The following HSPG2 variants were observed in gnomAD, a reference collection of about 807,000 sequenced individuals.
HSPG2 encodes heparan sulfate proteoglycan 2.
A neutral mutation model predicts 526.6 loss-of-function variants in HSPG2; 278 were observed. The ratio of observed to expected loss-of-function variants is 0.53; its 90% CI spans 0.48 to 0.58. The LOEUF (loss-of-function observed/expected upper bound fraction) is 0.58. HSPG2 is among the 20% of genes least tolerant of loss of function. The pLI, the probability that HSPG2 is intolerant of heterozygous loss-of-function variation, is 0.00. For missense variants in HSPG2, 5,354 were observed against 6,099.5 expected, an observed-to-expected ratio of 0.88 and a Z score of 4.07; for synonymous variants, 2,465 against 2,555.4, an observed-to-expected ratio of 0.96 and a Z score of 1.07.
At chr1:21,915,350 A>C (rs1446274206) in intron 1 of HSPG2, among the ~76,000 whole-genome samples, 1 of 152,238 alleles carries the variant, frequency 6.6e-6, no homozygotes, top group Non-Finnish European at 1.5e-5. Context: ...GAGCCCGGAC[A>C]TGGAGATTCC....
rs765602624 is a variant in HSPG2 at position 21,828,975 on chromosome 1, G to A, written c.12097C>T (p.Arg4033Cys). 2.0e-5 allele frequency: 32 copies of A among 1,576,068 alleles called. No individual in the cohort carries two copies. Among genetic ancestry groups the A allele is most frequent in the Admixed American group, 5.5e-5 (3 of 54,932 alleles). ...KDGSLRVNGG[R>C]PVLRSSPGKS... is the part of the protein sequence containing the mutation. ...CCGGGCGAGGAGCGCAGCACAGGGC[G>A]TCCACCATTCACCCGCAGGCTGCCG... Residue 4033 changes from arginine (R) to cysteine (C), a missense_variant, in exon 88 of 97, where the codon CGC becomes TGC. Transcript: ENST00000374695. This position sits in a 1 kb window ranked among gnomAD's most constrained non-coding sequence, Gnocchi z 6.0.
intron 57 of HSPG2, among the ~76,000 whole-genome samples, chr1:21,849,511 A>G (rs1638717997): frequency 6.6e-6 from 1 of 152,204 alleles, no homozygotes; most frequent in African/African-American, 2.4e-5. Context: ...TCCAAAATCA[A>G]GATGCATCTA....
chr1:21,841,159 G>A lies in HSPG2; in HGVS notation c.9455C>T (p.Thr3152Ile), dbSNP rs2098046807. 1 of 1,613,754 alleles carries A rather than the reference G, an allele frequency of 6.2e-7. No individual in the cohort carries two copies. Among genetic ancestry groups the A allele is most frequent in the South Asian group, 1.1e-5 (1 of 91,086 alleles). Residue 3152 changes from threonine (T) to isoleucine (I), a missense_variant, in exon 71 of 97, where the codon ACC (threonine) becomes ATC (isoleucine). Transcript: ENST00000374695. ...SSARWTRISS[T>I]PAKLEQRTYG... is the part of the protein sequence containing the mutation. ...TGTCCGCTGCTCCAACTTGGCAGGG[G>A]TGCTGCTGATCCGGGTCCAACGAGC...
In HSPG2 at chr1:21,932,218, A is replaced by C. The variant is rs377611582; in HGVS notation, c.63+4937T>G. Among the ~76,000 whole-genome samples the C allele has an allele frequency of 3.9e-5, 6 of 152,278 alleles. No individual in the cohort carries two copies. The East Asian group carries it at 9.6e-4, about 24-fold the overall frequency. On this transcript the variant is annotated intron_variant, in intron 1 of 96. Coordinates refer to ENST00000374695, the MANE Select transcript of HSPG2 (RefSeq NM_005529.7). ...TGTACTACTTGGGACCAGAGTTCTT[A>C]ATCAACATCTGTGACAAGTTGTAGC...
rs1310038149 is a variant in HSPG2, at chr1:21,839,507, T to C, written c.9753A>G (p.Pro3251=). 3 of 1,613,834 alleles carry C rather than the reference T, an allele frequency of 1.9e-6. No homozygotes were observed. In the Admixed American group the frequency reaches 5.0e-5, roughly 27 times the overall value. The stretch of plus-strand genomic sequence containing the variant: ...CTTCCAGCCGGTGCTGCCAGGGCAG[T>C]GGGGAACGCAGCTTGGACCAGTGGA... ...PTIHWSKLRS[P]LPWQHRLEGD... Residue 3251 remains proline (P), a synonymous_variant, in exon 73 of 97, where the codon CCA becomes CCG. Coordinates refer to ENST00000374695, the MANE Select transcript of HSPG2 (RefSeq NM_005529.7). The surrounding 1 kb of genome is among the most constrained non-coding windows in gnomAD (Gnocchi z 4.5).
intron 1 of HSPG2, among the ~76,000 whole-genome samples, chr1:21,928,205 C>G (rs1214398781): frequency 6.6e-6 from 1 of 152,222 alleles, no homozygotes; most frequent in Non-Finnish European, 1.5e-5. Flanking sequence ...TTTCCCTTGA[C>G]CACAGTGCCC....
chr1:21,823,358 G>A lies in HSPG2; in HGVS notation c.13134C>T (p.His4378=). 6.5e-7 allele frequency: 1 copy of A among 1,546,152 alleles called. No individual in the cohort carries two copies. The highest frequency in any genetic ancestry group is 8.7e-7 in the Non-Finnish European group (1 of 1,149,654). ...APPPQPLDLQ[H]RAQAGANTRP... is the part of the protein sequence containing the mutation. ...GTGTGTTGGCCCCGGCCTGGGCGCG[G>A]TGCTGCAGGTCCAGGGGCTGTGGGG... Residue 4378 remains histidine (H), a synonymous_variant, in exon 97 of 97, where the codon CAC becomes CAT. Transcript: ENST00000374695.
intron 13 of HSPG2, among the ~76,000 whole-genome samples, chr1:21,883,157 C>T (rs1447406321): frequency 6.6e-6 from 1 of 152,206 alleles, no homozygotes; most frequent in East Asian, 1.9e-4. Flanking sequence ...AGCCCTGGGG[C>T]TCTCATCTTA....
At chr1:21,844,530 C>T (rs1638273430) in intron 64 of HSPG2, among the ~76,000 whole-genome samples, 1 of 152,252 alleles carries the variant, frequency 6.6e-6, no homozygotes, top group South Asian at 2.1e-4. Flanking sequence ...TCCCATGCTC[C>T]CAGCACCAGT....
intron 52 of HSPG2, 132 bp from the exon 53 acceptor site, chr1:21,852,365 G>A (rs1427198457): frequency 8.7e-7 from 1 of 1,151,060 alleles, no homozygotes; most frequent in Non-Finnish European, 1.3e-6. Context: ...TGGGGGCCTG[G>A]ACTTGATGCC....
intron 43 of HSPG2, 38 bp from the exon 44 acceptor site, chr1:21,857,233 C>T (rs369305543): frequency 1.1e-5 from 17 of 1,613,956 alleles, no homozygotes; most frequent in Non-Finnish European, 1.4e-5. Flanking sequence ...GGGTGGGGCT[C>T]AGAGACCCCA....
At chr1:21,906,539 G>T (rs1370284110) in intron 1 of HSPG2, among the ~76,000 whole-genome samples, 3 of 152,188 alleles carry the variant, frequency 2.0e-5, no homozygotes, top group Admixed American at 1.3e-4. Context: ...AGCAGAGCTG[G>T]AAATCAGAGC....
At chr1:21,883,386 T>C (rs904677949) in intron 13 of HSPG2, among the ~76,000 whole-genome samples, 1 of 152,234 alleles carries the variant, frequency 6.6e-6, no homozygotes, top group African/African-American at 2.4e-5. Context: ...GGTGTGATCA[T>C]GGCTCACTGC....
chr1:21,884,769 CGTT>C lies in HSPG2; in HGVS notation c.1502_1504del (p.Gln501del), dbSNP rs752362408. The C allele has an allele frequency of 3.1e-6, 5 of 1,613,324 alleles. No homozygotes were observed. The highest frequency in any genetic ancestry group is 1.3e-5 in the African/African-American group (1 of 74,940). On this transcript the variant is annotated inframe_deletion, in exon 12 of 97. Coordinates refer to ENST00000374695, the MANE Select transcript of HSPG2 (RefSeq NM_005529.7). The stretch of plus-strand genomic sequence containing the variant: ...TGACACCTGCCCTCCGGCAGTACCT[CGTT>C]GTGGGACGAGCTCAAGGACACCGTC...
Position 21,871,208 on chromosome 1 carries a change from C to T in HSPG2, c.4221+978G>A, listed in dbSNP as rs371893997. Among the ~76,000 whole-genome samples the T allele has an allele frequency of 2.6e-5, 4 of 152,080 alleles. No individual in the cohort carries two copies. In the South Asian group the frequency reaches 6.2e-4, roughly 24 times the overall value. On this transcript the variant is annotated intron_variant, in intron 33 of 96. Transcript: ENST00000374695. ...CATCATCACCACCTTTCCACCAGAC[C>T]CTGTTCTGGAGTAGCAAAGACAGGT...
intron 1 of HSPG2, among the ~76,000 whole-genome samples, chr1:21,907,128 C>T (rs921645871): frequency 3.3e-5 from 5 of 152,132 alleles, no homozygotes; most frequent in Non-Finnish European, 5.9e-5. Context: ...TGACTCCTGT[C>T]GGAGGTGAAA....
intron 13 of HSPG2, among the ~76,000 whole-genome samples, 163 bp from the exon 14 acceptor site, chr1:21,881,665 G>A (rs192017576): frequency 6.6e-6 from 1 of 152,012 alleles, no homozygotes; most frequent in African/African-American, 2.4e-5. Context: ...GTTTTTTGCC[G>A]GGTGTGGTGG....
At chr1:21,845,756 G>A (rs1398856426) in intron 64 of HSPG2, among the ~76,000 whole-genome samples, 2 of 152,194 alleles carry the variant, frequency 1.3e-5, no homozygotes, top group East Asian at 3.9e-4. Flanking sequence ...TAATTAGATA[G>A]TAGAGTACAA....
In HSPG2 at chr1:21,890,274, C is replaced by T; in HGVS notation, c.414-133G>A. 1.6e-6 allele frequency: 2 copies of T among 1,275,946 alleles called. No individual in the cohort carries two copies. The highest frequency in any genetic ancestry group is 2.3e-6 in the Non-Finnish European group (2 of 881,194). The allele number at this position is 1,275,946 out of a possible 1,614,324, so 79.0% of individuals were successfully genotyped here. A position where few individuals can be genotyped will look rare whatever the true frequency, so the allele number is the denominator to read the frequency against. Reference sequence around the variant, plus strand: ...TACCCAAAGAAGGGCAACTAAAGGTCCCAATGATCCCCCGACCAATTCCTG... The same window carrying T: ...TACCCAAAGAAGGGCAACTAAAGGTTCCAATGATCCCCCGACCAATTCCTG... On this transcript the variant is annotated intron_variant, in intron 5 of 96. Coordinates refer to ENST00000374695, the MANE Select transcript of HSPG2 (RefSeq NM_005529.7). The surrounding 1 kb of genome is among the most constrained non-coding windows in gnomAD (Gnocchi z 4.1).
Sources: allele counts gnomAD v4.1 joint callset (sites outside exome capture counted in the v4.1 genomes callset), GRCh38; gene constraint gnomAD v4.1.1; non-coding constraint Gnocchi (gnomAD v3.1); transcripts MANE v1.5; gene names NCBI Gene and HGNC (gene_info 2026-07-23, HGNC 2026-07-21).